The following CNTNAP2 variants were observed in gnomAD, a reference collection of about 807,000 sequenced individuals.
CNTNAP2 encodes the protein contactin-associated protein-like 2.
Under a neutral mutation model 155.2 loss-of-function variants are expected in CNTNAP2, and 98 were observed. The observed-to-expected ratio is 0.63, with a 90% CI of 0.54 to 0.75. The LOEUF (loss-of-function observed/expected upper bound fraction) is 0.75, where lower values mean the gene tolerates loss of function less well. Ranked by LOEUF, CNTNAP2 falls within the 30% of genes least tolerant of loss-of-function variation. The probability of loss-of-function intolerance (pLI) is 0.00; values close to 1 mark genes in which losing one functional copy is unlikely to be tolerated. For missense variants in CNTNAP2, 1,727 were observed against 1,688.1 expected (o/e 1.02, Z -0.40); for synonymous variants, 651 against 631.2 (o/e 1.03, Z -0.47).
chr7:146,136,368 C>G lies in CNTNAP2; in HGVS notation c.97+19395C>G, dbSNP rs146418537. Reference sequence around the variant, plus strand: ...AAAGACAACTAAGGGTCAGTCTTTTCTATGATAATGGACTCACAAGGGACC... The same window carrying G: ...AAAGACAACTAAGGGTCAGTCTTTTGTATGATAATGGACTCACAAGGGACC... On this transcript the variant is annotated intron_variant, in intron 1 of 23. Transcript: ENST00000361727. 1.1e-3 allele frequency among the ~76,000 whole-genome samples: 166 copies of G among 152,244 alleles called. 1 individual carries two copies. The highest frequency in any genetic ancestry group is 3.6e-3 in the African/African-American group (151 of 41,550).
intron 9 of CNTNAP2, among the ~76,000 whole-genome samples, chr7:147,347,966 A>T (rs1001787179): frequency 2.0e-5 from 3 of 152,094 alleles, no homozygotes; most frequent in Admixed American, 6.6e-5. Flanking sequence ...TGTTGGGAAA[A>T]CTGGATATCC....
intron 3 of CNTNAP2, among the ~76,000 whole-genome samples, chr7:146,859,954 G>A (rs139422172): frequency 6.6e-6 from 1 of 152,124 alleles, no homozygotes; most frequent in Non-Finnish European, 1.5e-5. Context: ...AACCTAGAGT[G>A]GGGGAGGAAG....
At chr7:147,958,935 A>C (rs979901877) in intron 14 of CNTNAP2, among the ~76,000 whole-genome samples, 1 of 152,114 alleles carries the variant, frequency 6.6e-6, no homozygotes, top group Non-Finnish European at 1.5e-5. Flanking sequence ...CCACATTTCT[A>C]ACAAGGTCCC....
intron 8 of CNTNAP2, among the ~76,000 whole-genome samples, chr7:147,257,000 G>GA (rs1804345248): frequency 9.5e-6 from 1 of 105,504 alleles, no homozygotes; most frequent in Admixed American, 1.2e-4. Context: ...GGTATTAGGA[G>GA]AAAAAAGAAA....
intron 8 of CNTNAP2, among the ~76,000 whole-genome samples, chr7:147,250,513 C>A (rs1051016162): frequency 3.9e-5 from 6 of 152,074 alleles, no homozygotes; most frequent in Non-Finnish European, 7.4e-5. Flanking sequence ...CTTACATAAT[C>A]ATTGCCCCTT....
chr7:147,145,006 T>G (rs951237341), intron 8 of CNTNAP2, among the ~76,000 whole-genome samples: 2 of 152,178 alleles, frequency 1.3e-5, no homozygotes, highest in African/African-American at 4.8e-5. Flanking sequence ...TTTGAATGAT[T>G]TAGAATAGAA....
intron 14 of CNTNAP2, among the ~76,000 whole-genome samples, chr7:147,917,022 A>T (rs1800173995): frequency 6.6e-6 from 1 of 152,158 alleles, no homozygotes; most frequent in Non-Finnish European, 1.5e-5. Context: ...CAGACACCTG[A>T]CCATCTGTGA....
intron 10 of CNTNAP2, among the ~76,000 whole-genome samples, chr7:147,436,174 A>C (rs1797545059): frequency 6.6e-6 from 1 of 152,190 alleles, no homozygotes; most frequent in African/African-American, 2.4e-5. Flanking sequence ...TCATTATTTA[A>C]TTAAGCCGCT....
At chr7:146,216,968 C>T (rs763732670) in intron 1 of CNTNAP2, among the ~76,000 whole-genome samples, 9 of 152,262 alleles carry the variant, frequency 5.9e-5, no homozygotes, top group South Asian at 2.1e-4. Context: ...CCGGGTTATG[C>T]GCTTCCACAG....
chr7:148,128,710 T>C (rs1804765598), intron 16 of CNTNAP2, among the ~76,000 whole-genome samples: 1 of 152,186 alleles, frequency 6.6e-6, no homozygotes, highest in African/African-American at 2.4e-5. Context: ...TATTTCAAGT[T>C]ACTTTAGAGT....
chr7:147,313,838 A>G (rs1182478202), intron 9 of CNTNAP2, among the ~76,000 whole-genome samples: 3 of 151,526 alleles, frequency 2.0e-5, no homozygotes, highest in South Asian at 2.1e-4. Context: ...CATTGAATCT[A>G]TAAATTACCT....
intron 11 of CNTNAP2, chr7:147,496,854 G>C (rs764628947): frequency 7.0e-6 from 1 of 143,430 alleles, no homozygotes; most frequent in Non-Finnish European, 1.5e-5. Context: ...TTTTGTTGTT[G>C]CTGTTGCCGC....
At chr7:147,238,078 G>T (rs1186448391) in intron 8 of CNTNAP2, among the ~76,000 whole-genome samples, 7 of 152,150 alleles carry the variant, frequency 4.6e-5, no homozygotes, top group Non-Finnish European at 8.8e-5. Context: ...GCAGTGGCGC[G>T]ATCTCGGCTC....
intron 13 of CNTNAP2, among the ~76,000 whole-genome samples, chr7:147,802,067 T>C (rs1197359098): frequency 2.2e-3 from 285 of 129,944 alleles, no homozygotes; most frequent in African/African-American, 7.8e-3. Context: ...GACGGGGCAG[T>C]TGCCGGGCGG....
intron 1 of CNTNAP2, among the ~76,000 whole-genome samples, chr7:146,183,336 T>G (rs1482854071): frequency 6.6e-6 from 1 of 152,092 alleles, no homozygotes; most frequent in Non-Finnish European, 1.5e-5. Flanking sequence ...AGTTAACCCT[T>G]CATTGGTCCC....
intron 3 of CNTNAP2, among the ~76,000 whole-genome samples, chr7:147,028,207 G>A (rs1003681802): frequency 6.6e-6 from 1 of 152,178 alleles, no homozygotes; most frequent in African/African-American, 2.4e-5. Flanking sequence ...AACTAATAAA[G>A]AAGGCTTAGA....
At chr7:147,403,393 A>G (rs1318537554) in intron 10 of CNTNAP2, among the ~76,000 whole-genome samples, 1 of 152,158 alleles carries the variant, frequency 6.6e-6, no homozygotes, top group African/African-American at 2.4e-5. Context: ...AGGATGTGTC[A>G]TGGGAATGTC....
chr7:146,971,845 A>G (rs1344069455), intron 3 of CNTNAP2, among the ~76,000 whole-genome samples: 2 of 152,202 alleles, frequency 1.3e-5, no homozygotes, highest in African/African-American at 2.4e-5. Flanking sequence ...ACTACAATAT[A>G]TGAATTTTGC....
intron 3 of CNTNAP2, among the ~76,000 whole-genome samples, chr7:146,991,678 C>T (rs534035260): frequency 6.6e-5 from 10 of 152,166 alleles, no homozygotes; most frequent in African/African-American, 2.2e-4. Flanking sequence ...AAAGAAAGTG[C>T]AACATAATGG....
Sources: gnomAD v4.1 joint callset for allele counts (sites outside exome capture counted in the v4.1 genomes callset) on GRCh38, gnomAD v4.1.1 for gene constraint, MANE v1.5 for transcripts, NCBI Gene and HGNC (gene_info 2026-07-23, HGNC 2026-07-21) for gene names.